The following DAB1 variants were observed in gnomAD, a reference collection of about 807,000 sequenced individuals.
DAB1 encodes the protein disabled homolog 1.
A neutral mutation model predicts 64.6 loss-of-function variants in DAB1; 15 were observed. The observed-to-expected ratio is 0.23, with a 90% CI of 0.16 to 0.36. The LOEUF is 0.36. DAB1 is among the 10% of genes least tolerant of loss of function. The pLI, the probability that DAB1 is intolerant of heterozygous loss-of-function variation, is 1.00. For synonymous variants in DAB1, 235 were observed against 251.9 expected, an observed-to-expected ratio of 0.93 and a Z score of 0.64; for missense variants, 596 against 706.7, an observed-to-expected ratio of 0.84 and a Z score of 1.78.
intron 7 of DAB1, among the ~76,000 whole-genome samples, chr1:57,617,486 G>C (rs1645803526): frequency 6.6e-6 from 1 of 151,936 alleles, no homozygotes; most frequent in African/African-American, 2.4e-5. Flanking sequence ...AGTTAAGATG[G>C]GTCCCTTGGC....
intron 1 of DAB1, among the ~76,000 whole-genome samples, chr1:57,400,064 G>A (rs1347370289): frequency 6.6e-6 from 1 of 152,138 alleles, no homozygotes; most frequent in Non-Finnish European, 1.5e-5. Flanking sequence ...GGAGATAAGA[G>A]GGCCTTTGGA....
chr1:57,421,907 G>GGGGGTGGCGGA (rs1684927388), intron 1 of DAB1, among the ~76,000 whole-genome samples: 1 of 119,318 alleles, frequency 8.4e-6, no homozygotes, highest in African/African-American at 3.1e-5. Context: ...GGTGGCGGGG[G>GGGGGTGGCGGA]GGGGGGTGGC....
At chr1:57,164,523 G>A (rs1661051322) in intron 2 of DAB1, among the ~76,000 whole-genome samples, 1 of 152,100 alleles carries the variant, frequency 6.6e-6, no homozygotes, top group South Asian at 2.1e-4. Flanking sequence ...AATCCAAGCT[G>A]TGTTGATTAG....
intron 5 of DAB1, among the ~76,000 whole-genome samples, chr1:58,119,999 A>C (rs1485380116): frequency 6.6e-6 from 1 of 152,066 alleles, no homozygotes; most frequent in East Asian, 1.9e-4. Flanking sequence ...GGAAAAGTGG[A>C]TATGCCTTCC....
chr1:57,292,797 A>G (rs901816674), intron 1 of DAB1, among the ~76,000 whole-genome samples: 3 of 152,156 alleles, frequency 2.0e-5, no homozygotes, highest in Non-Finnish European at 4.4e-5. Context: ...AGCTCAGTCT[A>G]ACAGAGGTAT....
chr1:58,507,333 G>A (rs1220665167), intron 2 of DAB1, among the ~76,000 whole-genome samples: 1 of 151,772 alleles, frequency 6.6e-6, no homozygotes, highest in Non-Finnish European at 1.5e-5. Context: ...ATTTATAATA[G>A]TGTAATTGTG....
chr1:57,626,488 C>A (rs1645924911), intron 7 of DAB1, among the ~76,000 whole-genome samples: 1 of 152,194 alleles, frequency 6.6e-6, no homozygotes, highest in African/African-American at 2.4e-5. Flanking sequence ...ACGATCTCAT[C>A]TTGAATGCTG....
intron 4 of DAB1, among the ~76,000 whole-genome samples, chr1:57,100,046 G>A (rs1333881320): frequency 6.6e-6 from 1 of 152,216 alleles, no homozygotes. Context: ...CAAAAGGTCA[G>A]TGATCAAGCG....
chr1:58,034,654 A>T (rs1647018524), intron 5 of DAB1, among the ~76,000 whole-genome samples: 1 of 152,224 alleles, frequency 6.6e-6, no homozygotes, highest in Admixed American at 6.5e-5. Context: ...TTTCTAGGTT[A>T]TAGTTCTAGT....
intron 6 of DAB1, among the ~76,000 whole-genome samples, chr1:57,781,915 G>A (rs1650121405): frequency 6.6e-6 from 1 of 151,954 alleles, no homozygotes; most frequent in Admixed American, 6.6e-5. Context: ...ATAACATCTG[G>A]GAATGTTTAA....
intron 7 of DAB1, among the ~76,000 whole-genome samples, chr1:57,633,172 T>C (rs1204888020): frequency 1.3e-5 from 2 of 152,144 alleles, no homozygotes; most frequent in Non-Finnish European, 2.9e-5. Flanking sequence ...AAGAGCAAGA[T>C]CGGGAGAAGC....
intron 7 of DAB1, among the ~76,000 whole-genome samples, chr1:57,505,194 CTT>C (rs1570580009): frequency 6.6e-6 from 1 of 152,256 alleles, no homozygotes; most frequent in East Asian, 1.9e-4. Flanking sequence ...TCTGTATAAT[CTT>C]TGCAATTTTT....
intron 7 of DAB1, among the ~76,000 whole-genome samples, chr1:57,616,197 T>C (rs940254211): frequency 6.6e-6 from 1 of 152,208 alleles, no homozygotes; most frequent in Admixed American, 6.5e-5. Context: ...TCTGGGCTAG[T>C]ACATTTCCTG....
intron 2 of DAB1, among the ~76,000 whole-genome samples, chr1:57,180,141 T>C: frequency 6.6e-6 from 1 of 152,196 alleles, no homozygotes; most frequent in East Asian, 1.9e-4. Context: ...GCAAACTTGC[T>C]TTGGAAATGG....
chr1:57,404,422 C>T (rs1430715281), intron 1 of DAB1, among the ~76,000 whole-genome samples: 4 of 152,156 alleles, frequency 2.6e-5, no homozygotes, highest in Admixed American at 2.0e-4. Context: ...TCTTTATTCC[C>T]GTTTCACAGA....
At chr1:57,783,294 A>G (rs1004943161) in intron 6 of DAB1, among the ~76,000 whole-genome samples, 1 of 151,636 alleles carries the variant, frequency 6.6e-6, no homozygotes, top group Admixed American at 6.6e-5. Context: ...TTATTTGTAG[A>G]GATGGGGTTT....
At chr1:57,487,810 T>C (rs1644110820) in intron 7 of DAB1, among the ~76,000 whole-genome samples, 1 of 152,238 alleles carries the variant, frequency 6.6e-6, no homozygotes, top group South Asian at 2.1e-4. Context: ...TCCATCATTA[T>C]GGGACGCATG....
intron 3 of DAB1, among the ~76,000 whole-genome samples, chr1:58,380,840 G>A (rs565735254): frequency 1.2e-4 from 19 of 152,234 alleles, no homozygotes; most frequent in East Asian, 7.7e-4. Flanking sequence ...AAGCTGGGAC[G>A]CATATATTCA....
intron 6 of DAB1, among the ~76,000 whole-genome samples, chr1:57,776,208 T>G (rs926489061): frequency 1.3e-5 from 2 of 151,672 alleles, no homozygotes; most frequent in African/African-American, 4.8e-5. Flanking sequence ...AACATGACAC[T>G]CAGAGGAAAT....
Sources: allele counts gnomAD v4.1 joint callset (sites outside exome capture counted in the v4.1 genomes callset), GRCh38; gene constraint gnomAD v4.1.1; transcripts MANE v1.5; gene names NCBI Gene and HGNC (gene_info 2026-07-23, HGNC 2026-07-21).